The following DNAH2 variants were observed in gnomAD, a reference collection of about 807,000 sequenced individuals.
DNAH2 encodes the protein axonemal beta dynein heavy chain 2.
DNAH2 carries 323 observed loss-of-function variants against 523.5 expected under a neutral mutation model. The ratio of observed to expected loss-of-function variants is 0.62; its 90% CI spans 0.56 to 0.68. The LOEUF is 0.68. DNAH2 is among the 30% of genes least tolerant of loss of function. The probability of loss-of-function intolerance (pLI) is 0.00; values close to 1 mark genes in which losing one functional copy is unlikely to be tolerated. For missense variants in DNAH2, 4,907 were observed against 5,701.5 expected (o/e 0.86, Z 4.49); for synonymous variants, 2,093 against 2,177.4 (o/e 0.96, Z 1.08).
At chr17:7,729,940 G>A (rs941572879) in intron 4 of DNAH2, among the ~76,000 whole-genome samples, 2 of 152,146 alleles carry the variant, frequency 1.3e-5, no homozygotes, top group African/African-American at 4.8e-5. Context: ...CAAAAAGAAT[G>A]AGTTCACATG....
chr17:7,782,215 C>A (rs142085952), intron 39 of DNAH2, among the ~76,000 whole-genome samples: 1 of 152,226 alleles, frequency 6.6e-6, no homozygotes, highest in African/African-American at 2.4e-5. Context: ...ACCCCAGTCC[C>A]CAAGGGGCAA....
rs540958089 is a variant in DNAH2, at chr17:7,811,077, C to T, written c.9729+3491C>T. ...AAGTCTGAACATTCCCATTTTTTCC[C>T]ATTTTGCATTCCAAATTATGTCTTA... On this transcript the variant is annotated intron_variant, in intron 63 of 85. Coordinates refer to ENST00000572933, the MANE Select transcript of DNAH2 (RefSeq NM_020877.5). Among the ~76,000 whole-genome samples the T allele has an allele frequency of 6.6e-5, 10 of 152,274 alleles. No homozygotes were observed. The South Asian group carries it at 1.9e-3, about 28-fold the overall frequency.
chr17:7,734,163 A>G lies in DNAH2; in HGVS notation c.629-20A>G. ...GAACTCATCCCCTCTGTCCACTTCC[A>G]CAAACTTTCCTTTCCTTAGACACTC... On this transcript the variant is annotated intron_variant, in intron 5 of 85. Coordinates refer to ENST00000572933, the MANE Select transcript of DNAH2 (RefSeq NM_020877.5). 6 of 1,566,956 alleles carry G rather than the reference A, an allele frequency of 3.8e-6. No individual in the cohort carries two copies. Among genetic ancestry groups the G allele is most frequent in the Non-Finnish European group, 5.2e-6 (6 of 1,154,754 alleles).
At chr17:7,765,214 C>CTCTCTGACTCCCCCAGGTCCTGGA (rs1567661667) in intron 20 of DNAH2, among the ~76,000 whole-genome samples, 177 bp from the exon 21 acceptor site, 1 of 151,524 alleles carries the variant, frequency 6.6e-6, no homozygotes, top group African/African-American at 2.4e-5. Flanking sequence ...TCATCCTCCA[C>CTCTCTGACTCCCCCAGGTCCTGGA]GCATGAGAGG....
chr17:7,788,919 C>G (rs2076819982), intron 44 of DNAH2, among the ~76,000 whole-genome samples: 1 of 152,170 alleles, frequency 6.6e-6, no homozygotes, highest in Non-Finnish European at 1.5e-5. Context: ...AATCCCAGCA[C>G]TTTGGGAGGC....
At chr17:7,775,981 GC>G in intron 30 of DNAH2, 42 bp from the exon 31 acceptor site, 2 of 1,606,852 alleles carry the variant, frequency 1.2e-6, no homozygotes, top group Non-Finnish European at 1.7e-6. Flanking sequence ...CCTTGGCCGT[GC>G]CCCCTCAGGC....
At position 7,833,545 on chromosome 17, in the gene DNAH2, C is replaced by T. The variant is rs1415933316; in HGVS notation, c.*12C>T. The T allele has an allele frequency of 2.5e-6, 4 of 1,612,700 alleles. No individual in the cohort carries two copies. Among genetic ancestry groups the T allele is most frequent in the Non-Finnish European group, 3.4e-6 (4 of 1,179,910 alleles). ...GCCTGGACAGCTGAGACCTCCTCCT[C>T]TTCTCCGCTTGAGAGAGAGGGTCAG... is the stretch of plus-strand genomic sequence containing the variant. On this transcript the variant is annotated 3_prime_UTR_variant, in exon 86 of 86. Transcript: ENST00000572933.
chr17:7,825,892 C>A (rs1402839615), intron 77 of DNAH2, among the ~76,000 whole-genome samples: 1 of 152,182 alleles, frequency 6.6e-6, no homozygotes, highest in Non-Finnish European at 1.5e-5. Context: ...CGTTTAGAGG[C>A]AGGATATTTT....
chr17:7,777,875 C>T (rs567546204), intron 33 of DNAH2, among the ~76,000 whole-genome samples: 1 of 152,304 alleles, frequency 6.6e-6, no homozygotes, highest in East Asian at 1.9e-4. Flanking sequence ...GCAGCTGCTG[C>T]ATTGGGTCGG....
At chr17:7,803,094 A>G (rs2077268151) in intron 58 of DNAH2, among the ~76,000 whole-genome samples, 1 of 152,154 alleles carries the variant, frequency 6.6e-6, no homozygotes, top group Non-Finnish European at 1.5e-5. Flanking sequence ...GCAGTTCTCC[A>G]GGGGACACTG....
At chr17:7,736,518 G>T (rs1419065574) in intron 7 of DNAH2, among the ~76,000 whole-genome samples, 1 of 152,184 alleles carries the variant, frequency 6.6e-6, no homozygotes, top group African/African-American at 2.4e-5. Context: ...AGACTCGAGG[G>T]AATTCTTAGT....
At position 7,776,860 on chromosome 17, in the gene DNAH2, A is replaced by C. The variant is rs1384162160; in HGVS notation, c.5029A>C (p.Lys1677Gln). 6.2e-7 allele frequency: 1 copy of C among 1,612,226 alleles called. No individual in the cohort carries two copies. Among genetic ancestry groups the C allele is most frequent in the African/African-American group, 1.3e-5 (1 of 74,862 alleles). ...LLTAKERADK[K>Q]ILKVMKKNQV... ...GACAGCGAAGGAGCGGGCAGACAAG[A>C]AAATCCTCAAGGTCATGAAGAAGAA... is the stretch of plus-strand genomic sequence containing the variant. The change falls in exon 32 of 86, where the codon AAA becomes CAA. Residue 1677 changes from lysine (K) to glutamine (Q), a missense_variant. By Grantham distance (53) the Lys-to-Gln change is moderately conservative. This residue lies in a region of DNAH2 where 2,806 missense variants were observed against 3,190.8 expected (regional missense o/e 0.88). Transcript: ENST00000572933.
intron 18 of DNAH2, among the ~76,000 whole-genome samples, chr17:7,763,155 T>C (rs1019706617): frequency 5.3e-5 from 8 of 151,802 alleles, no homozygotes; most frequent in African/African-American, 1.9e-4. Context: ...TTTGTATATT[T>C]ATTTATTTAT....
At chr17:7,757,510 C>A (rs1248417916) in intron 13 of DNAH2, among the ~76,000 whole-genome samples, 2 of 152,098 alleles carry the variant, frequency 1.3e-5, no homozygotes, top group African/African-American at 4.8e-5. Context: ...AGCTCTGGGC[C>A]AGTTCTCTAG....
rs2077734121 is a variant in DNAH2, at chr17:7,818,075, A to C, written c.10366A>C (p.Asn3456His). Residue 3456 changes from asparagine to histidine, a missense_variant, in exon 68 of 86, where the codon AAC becomes CAC. Asn to His is a moderately conservative substitution (Grantham distance 68, BLOSUM62 1). This residue lies in a region of DNAH2 where 1,851 missense variants were observed against 2,139.4 expected (regional missense o/e 0.87). Transcript: ENST00000572933. ...GGACCCCACACTGAACCCCATGCTC[A>C]ACAAATCTGTAGCCCGAATCGGTCA... is the stretch of plus-strand genomic sequence containing the variant. ...YLDPTLNPML[N>H]KSVARIGGRL... The C allele has an allele frequency of 1.2e-6, 2 of 1,612,818 alleles. No individual in the cohort carries two copies. The highest frequency in any genetic ancestry group is 1.7e-6 in the Non-Finnish European group (2 of 1,180,020).
chr17:7,794,022 A>G (rs1481502994), intron 48 of DNAH2, among the ~76,000 whole-genome samples: 1 of 152,200 alleles, frequency 6.6e-6, no homozygotes, highest in East Asian at 1.9e-4. Context: ...AGGATGAAAT[A>G]CAGACAAATG....
chr17:7,807,801 G>T lies in DNAH2; in HGVS notation c.9729+215G>T, dbSNP rs1597727183. On this transcript the variant is annotated intron_variant, in intron 63 of 85. Transcript: ENST00000572933. This position sits in a 1 kb window ranked among gnomAD's most constrained non-coding sequence, Gnocchi z 5.6. Reference sequence around the variant, plus strand: ...TTGCAGAGGGTTATAAAGGCTCAAAGGCACTGCGACCCAGGAGCCCTTCCA... The same window carrying T: ...TTGCAGAGGGTTATAAAGGCTCAAATGCACTGCGACCCAGGAGCCCTTCCA... Among the ~76,000 whole-genome samples, 2 of 152,272 alleles carry T rather than the reference G, an allele frequency of 1.3e-5. No individual in the cohort carries two copies. The highest frequency in any genetic ancestry group is 4.8e-5 in the African/African-American group (2 of 41,570).
rs2151194268 is a variant in DNAH2 at position 7,758,867 on chromosome 17, G to A, written c.2209-18G>A. 2 of 1,612,000 alleles carry A rather than the reference G, an allele frequency of 1.2e-6. No homozygotes were observed. Among genetic ancestry groups the A allele is most frequent in the Middle Eastern group, 1.7e-4 (1 of 6,048 alleles). ...TCTTCCCGAGCTGAAACTCCCCCAT[G>A]ACGGGGCCTGACTCTAGGTGCAGAT... On this transcript the variant is annotated intron_variant, in intron 14 of 85. Transcript: ENST00000572933.
At chr17:7,729,410 A>G (rs1198983408) in intron 4 of DNAH2, among the ~76,000 whole-genome samples, 1 of 149,292 alleles carries the variant, frequency 6.7e-6, no homozygotes, top group Non-Finnish European at 1.5e-5. Context: ...AGAGAGAGAG[A>G]GAGAGGAGGA....
Sources: gnomAD v4.1 joint callset for allele counts (sites outside exome capture counted in the v4.1 genomes callset) on GRCh38, gnomAD v4.1.1 for gene constraint, gnomAD v4.1.1 regional missense constraint, Gnocchi (gnomAD v3.1) non-coding constraint, MANE v1.5 for transcripts, NCBI Gene and HGNC (gene_info 2026-07-23, HGNC 2026-07-21) for gene names.